SPOCK3: variants seen among roughly 807,000 people sequenced by gnomAD.
The protein encoded by SPOCK3 is testican-3.
In SPOCK3, 30 loss-of-function variants were observed where a neutral mutation model predicts 56.6. The observed-to-expected ratio is 0.53, with a 90% confidence interval of 0.40 to 0.72. The LOEUF is 0.72. Ranked by LOEUF, SPOCK3 falls within the 30% of genes least tolerant of loss-of-function variation. The probability of loss-of-function intolerance (pLI) is 0.00; values close to 1 mark genes in which losing one functional copy is unlikely to be tolerated. For synonymous variants in SPOCK3, 196 were observed against 183.3 expected (o/e 1.07, Z -0.56); for missense variants, 527 against 530.0 (o/e 0.99, Z 0.06).
At chr4:167,155,242 A>G (rs1764720592) in intron 2 of SPOCK3, among the ~76,000 whole-genome samples, 1 of 151,940 alleles carries the variant, frequency 6.6e-6, no homozygotes, top group Non-Finnish European at 1.5e-5. Flanking sequence ...TAGCCTCCTG[A>G]GTCCCTGGGA....
At chr4:167,069,039 A>T (rs190764007) in intron 2 of SPOCK3, among the ~76,000 whole-genome samples, 64 of 152,054 alleles carry the variant, frequency 4.2e-4, no homozygotes, top group Non-Finnish European at 7.9e-4. Flanking sequence ...AAGAATCCAA[A>T]GCTTCTGTTG....
intron 4 of SPOCK3, among the ~76,000 whole-genome samples, chr4:166,972,448 T>A (rs1299617392): frequency 6.6e-6 from 1 of 151,952 alleles, no homozygotes; most frequent in African/African-American, 2.4e-5. Context: ...GACAAGCACA[T>A]CAAAAAGAAA....
intron 2 of SPOCK3, among the ~76,000 whole-genome samples, chr4:167,205,571 AT>A (rs1403400367): frequency 8.0e-5 from 7 of 87,972 alleles, no homozygotes; most frequent in Admixed American, 2.0e-4. Context: ...TATATTATAT[AT>A]ATAATATAAT....
chr4:167,129,737 G>A (rs565146191), intron 2 of SPOCK3, among the ~76,000 whole-genome samples: 26 of 152,062 alleles, frequency 1.7e-4, no homozygotes, highest in Admixed American at 4.6e-4. Context: ...TTAGAAGCTT[G>A]TATTTCACAG....
chr4:166,917,718 G>A (rs1288488527), intron 4 of SPOCK3, among the ~76,000 whole-genome samples: 2 of 151,766 alleles, frequency 1.3e-5, no homozygotes, highest in Non-Finnish European at 2.9e-5. Context: ...CTGCTCCTTC[G>A]TGAAGGAAGT....
intron 2 of SPOCK3, among the ~76,000 whole-genome samples, chr4:167,154,904 T>C (rs1764691322): frequency 6.6e-6 from 1 of 152,064 alleles, no homozygotes; most frequent in African/African-American, 2.4e-5. Context: ...CACTTTCCAA[T>C]CTCTCCTGCT....
chr4:167,200,937 A>G (rs995521033), intron 2 of SPOCK3, among the ~76,000 whole-genome samples: 2 of 152,028 alleles, frequency 1.3e-5, no homozygotes, highest in African/African-American at 4.8e-5. Flanking sequence ...ACTGTTGTGT[A>G]TGCGGGCACA....
intron 6 of SPOCK3, among the ~76,000 whole-genome samples, chr4:166,849,208 G>T (rs891374339): frequency 2.0e-5 from 3 of 152,082 alleles, no homozygotes; most frequent in African/African-American, 7.2e-5. Context: ...CTGGTATCTT[G>T]ATCAGTGAAT....
rs187573843 is a variant in SPOCK3 at position 166,748,062 on chromosome 4, A to C, written c.932-6003T>G. On this transcript the variant is annotated intron_variant, in intron 8 of 10. Coordinates refer to ENST00000357545, the MANE Select transcript of SPOCK3 (RefSeq NM_001040159.2). ...TACCATGAAAATGGCCTTACTGCCC[A>C]AGGTAATTTATAGATTCAATGCCAT... is the stretch of plus-strand genomic sequence containing the variant. Among the ~76,000 whole-genome samples, 1,105 of 152,140 alleles carry C rather than the reference A, an allele frequency of 7.3e-3. 48 individuals are homozygous for C. The highest frequency in any genetic ancestry group is 0.066 in the Admixed American group (1,003 of 15,286).
chr4:166,789,206 G>T (rs2126644502), intron 7 of SPOCK3, among the ~76,000 whole-genome samples: 1 of 152,126 alleles, frequency 6.6e-6, no homozygotes, highest in African/African-American at 2.4e-5. Flanking sequence ...AAGGCGGGCA[G>T]ATCACCTGAG....
intron 7 of SPOCK3, among the ~76,000 whole-genome samples, chr4:166,776,091 G>A (rs907312601): frequency 1.3e-5 from 2 of 151,990 alleles, no homozygotes; most frequent in Non-Finnish European, 2.9e-5. Flanking sequence ...TTTGACAGAG[G>A]GACAGAAGGA....
At chr4:167,096,305 T>C (rs1759150261) in intron 2 of SPOCK3, among the ~76,000 whole-genome samples, 1 of 151,974 alleles carries the variant, frequency 6.6e-6, no homozygotes, top group South Asian at 2.1e-4. Context: ...AGTCAGAGAA[T>C]AGAATACAAT....
intron 2 of SPOCK3, among the ~76,000 whole-genome samples, chr4:167,159,114 T>G (rs1464317466): frequency 6.6e-6 from 1 of 152,036 alleles, no homozygotes; most frequent in Non-Finnish European, 1.5e-5. Flanking sequence ...GTGAATCCTT[T>G]ATAATCTGAG....
At chr4:167,108,948 A>G (rs1490106698) in intron 2 of SPOCK3, among the ~76,000 whole-genome samples, 1 of 102,402 alleles carries the variant, frequency 9.8e-6, no homozygotes, top group Admixed American at 1.3e-4. Flanking sequence ...TATTTATATT[A>G]TAAATATTAT....
chr4:167,088,761 C>T (rs1758438942), intron 2 of SPOCK3, among the ~76,000 whole-genome samples: 1 of 152,120 alleles, frequency 6.6e-6, no homozygotes, highest in Non-Finnish European at 1.5e-5. Flanking sequence ...CCATGCCTGG[C>T]TGCTCATTTT....
chr4:166,912,295 C>T (rs1181950086), intron 5 of SPOCK3, among the ~76,000 whole-genome samples: 1 of 152,018 alleles, frequency 6.6e-6, no homozygotes, highest in African/African-American at 2.4e-5. Flanking sequence ...CAGATTGTAG[C>T]ACATTTATTG....
chr4:167,075,373 C>T (rs536505535), intron 2 of SPOCK3, among the ~76,000 whole-genome samples: 11 of 151,984 alleles, frequency 7.2e-5, no homozygotes, highest in African/African-American at 2.2e-4. Flanking sequence ...CCATCCTACT[C>T]GGGTTACAGA....
chr4:167,150,917 G>C (rs1178240365), intron 2 of SPOCK3, among the ~76,000 whole-genome samples: 1 of 152,102 alleles, frequency 6.6e-6, no homozygotes, highest in East Asian at 1.9e-4. Context: ...TGAATGATAA[G>C]CATGTCCTTT....
rs1187939781 is a variant in SPOCK3, at chr4:167,214,407, GA to G, written c.189+19577del. 2.0e-5 allele frequency among the ~76,000 whole-genome samples: 3 copies of G among 152,012 alleles called. No individual in the cohort carries two copies. The South Asian group carries it at 6.2e-4, about 32-fold the overall frequency. On this transcript the variant is annotated intron_variant, in intron 2 of 10. Coordinates refer to ENST00000357545, the MANE Select transcript of SPOCK3 (RefSeq NM_001040159.2). The stretch of plus-strand genomic sequence containing the variant: ...AACACTATAACATTATCAGCAAATA[GA>G]AAAAAACAGTTTAGCGAGAAATTAT...
Sources: allele counts gnomAD v4.1 joint callset (sites outside exome capture counted in the v4.1 genomes callset), GRCh38; gene constraint gnomAD v4.1.1; transcripts MANE v1.5; gene names NCBI Gene and HGNC (gene_info 2026-07-23, HGNC 2026-07-21).